Variants in ATF7IP observed in about 807,000 individuals in gnomAD.
ATF7IP encodes activating transcription factor 7-interacting protein 1.
Under a neutral mutation model 106.4 loss-of-function variants are expected in ATF7IP, and 23 were observed. The ratio of observed to expected loss-of-function variants is 0.22; its 90% CI spans 0.16 to 0.31. The LOEUF (loss-of-function observed/expected upper bound fraction) is 0.31. ATF7IP is among the 10% of genes least tolerant of loss of function. The probability of loss-of-function intolerance (pLI) is 1.00; values close to 1 mark genes in which losing one functional copy is unlikely to be tolerated. For synonymous variants in ATF7IP, 542 were observed against 539.0 expected (o/e 1.01, Z -0.08); for missense variants, 1,334 against 1,524.3 (o/e 0.88, Z 2.08).
chr12:14,418,334 A>T (rs1271915550), intron 1 of ATF7IP, among the ~76,000 whole-genome samples: 1 of 152,180 alleles, frequency 6.6e-6, no homozygotes, highest in Non-Finnish European at 1.5e-5. Context: ...AAACTAGTTC[A>T]TCATGTTTTG....
intron 8 of ATF7IP, 138 bp downstream of exon 8, chr12:14,457,433 T>C (rs1287038964): frequency 3.1e-6 from 2 of 652,496 alleles, no homozygotes; most frequent in Non-Finnish European, 5.1e-6. Context: ...TTGTTAAAAA[T>C]TCAGGATCAA....
intron 11 of ATF7IP, 76 bp from the exon 12 acceptor site, chr12:14,478,241 A>G: frequency 7.0e-7 from 1 of 1,438,670 alleles, no homozygotes; most frequent in Non-Finnish European, 9.6e-7. Context: ...CAAAAGTAAA[A>G]TTTGTCCATA....
At chr12:14,476,020 C>G in intron 11 of ATF7IP, 52 bp downstream of exon 11, 1 of 1,299,300 alleles carries the variant, frequency 7.7e-7, no homozygotes, top group Non-Finnish European at 1.1e-6. Context: ...TTTTTTTTGT[C>G]TTAATACGGT....
At chr12:14,434,082 T>A (rs565909192) in intron 2 of ATF7IP, among the ~76,000 whole-genome samples, 1 of 152,334 alleles carries the variant, frequency 6.6e-6, no homozygotes, top group Non-Finnish European at 1.5e-5. Flanking sequence ...AGTAATTTTT[T>A]TAAATTACTT....
intron 5 of ATF7IP, among the ~76,000 whole-genome samples, chr12:14,445,502 T>G (rs1942916772): frequency 6.6e-6 from 1 of 152,160 alleles, no homozygotes; most frequent in Non-Finnish European, 1.5e-5. Context: ...CCCATTTACC[T>G]TTTTAGAAAG....
intron 9 of ATF7IP, among the ~76,000 whole-genome samples, chr12:14,462,371 C>A (rs1943675974): frequency 6.6e-6 from 1 of 151,810 alleles, no homozygotes; most frequent in Admixed American, 6.6e-5. Context: ...TCTGTAACTT[C>A]TTTTTCTTTT....
Position 14,478,264 on chromosome 12 carries a change from G to A in ATF7IP, c.2942-53G>A, listed in dbSNP as rs148877350. On this transcript the variant is annotated intron_variant, in intron 11 of 14. Coordinates refer to ENST00000261168, the MANE Select transcript of ATF7IP (RefSeq NM_018179.5). The stretch of plus-strand genomic sequence containing the variant: ...AAATTTGTCCATAGAGGAAAGACTT[G>A]TATTTCCTGATTTTTTTCTTGTCAG... 27 of 1,577,932 alleles carry A rather than the reference G, an allele frequency of 1.7e-5. No individual in the cohort carries two copies. The African/African-American group carries it at 2.4e-4, about 14-fold the overall frequency.
chr12:14,450,229 T>A (rs1331484930), intron 6 of ATF7IP, among the ~76,000 whole-genome samples: 3 of 152,230 alleles, frequency 2.0e-5, no homozygotes, highest in Non-Finnish European at 4.4e-5. Flanking sequence ...AGAGTAGGCA[T>A]GCTTGCTTAA....
intron 1 of ATF7IP, among the ~76,000 whole-genome samples, chr12:14,406,318 C>T (rs528904381): frequency 2.7e-4 from 41 of 151,888 alleles, no homozygotes; most frequent in African/African-American, 7.2e-4. Context: ...AGGCTGGTGT[C>T]GAACTCCCAG....
At chr12:14,441,603 C>T (rs2136643092) in intron 5 of ATF7IP, among the ~76,000 whole-genome samples, 1 of 151,128 alleles carries the variant, frequency 6.6e-6, no homozygotes, top group Non-Finnish European at 1.5e-5. Flanking sequence ...CATTCTCCTG[C>T]CTCAGCCTCC....
In ATF7IP at chr12:14,500,109, A is replaced by G. The variant is rs2136890625; in HGVS notation, c.*2036A>G. 6.6e-6 allele frequency: 1 copy of G among 152,352 alleles called. No individual in the cohort carries two copies. Among genetic ancestry groups the G allele is most frequent in the African/African-American group, 2.4e-5 (1 of 41,576 alleles). The allele number at this position is 152,352 out of a possible 1,614,324, so 9.4% of individuals were successfully genotyped here. ...TAACTTCGAAGTCCTCTTCCTTTAC[A>G]ATATTTGAATTCATATTTGTACCTT... On this transcript the variant is annotated 3_prime_UTR_variant, in exon 15 of 15. Transcript: ENST00000261168.
chr12:14,438,237 G>A lies in ATF7IP; in HGVS notation c.1899G>A (p.Lys633=). ...GAGTGGAAAAGATTGAATGTAACAA[G>A]AGGCATAAAACAGTTCTCACTGAAC... The part of the protein sequence containing the change: ...KTRVEKIECN[K]RHKTVLTELQ... The change falls in exon 5 of 15, where the codon AAG becomes AAA. Residue 633 remains lysine (K), a synonymous_variant. Coordinates refer to ENST00000261168, the MANE Select transcript of ATF7IP (RefSeq NM_018179.5). 6.2e-7 allele frequency: 1 copy of A among 1,613,018 alleles called. No homozygotes were observed. Among genetic ancestry groups the A allele is most frequent in the South Asian group, 1.1e-5 (1 of 91,026 alleles).
At chr12:14,376,346 A>C (rs984911334) in intron 1 of ATF7IP, among the ~76,000 whole-genome samples, 3 of 152,230 alleles carry the variant, frequency 2.0e-5, no homozygotes, top group Admixed American at 6.5e-5. Context: ...CCAGCCTCTT[A>C]AGGCACAGAT....
chr12:14,494,590 T>TTA (rs1944950527), intron 13 of ATF7IP, among the ~76,000 whole-genome samples: 1 of 148,274 alleles, frequency 6.7e-6, no homozygotes, highest in African/African-American at 2.5e-5. Context: ...TAGTGAATGT[T>TTA]TATATATATA....
At chr12:14,455,743 C>G (rs1480277664) in intron 6 of ATF7IP, among the ~76,000 whole-genome samples, 1 of 151,974 alleles carries the variant, frequency 6.6e-6, no homozygotes, top group African/African-American at 2.4e-5. Context: ...TATTACCACG[C>G]CTGGCTAATT....
intron 1 of ATF7IP, among the ~76,000 whole-genome samples, chr12:14,403,806 G>T (rs1483024803): frequency 6.6e-6 from 1 of 151,692 alleles, no homozygotes; most frequent in Non-Finnish European, 1.5e-5. Flanking sequence ...TTTAATTCTG[G>T]AGGCTCTAGG....
chr12:14,495,031 C>T (rs1944970128), intron 13 of ATF7IP, among the ~76,000 whole-genome samples: 1 of 151,952 alleles, frequency 6.6e-6, no homozygotes, highest in African/African-American at 2.4e-5. Context: ...AACTTGGAGG[C>T]CAATGTTCCA....
chr12:14,445,367 T>C (rs1457280717), intron 5 of ATF7IP, among the ~76,000 whole-genome samples: 2 of 151,870 alleles, frequency 1.3e-5, no homozygotes, highest in East Asian at 3.9e-4. Context: ...CTTTCCCATA[T>C]ACCTTTCTTT....
chr12:14,468,406 G>T (rs1943914235), intron 10 of ATF7IP, among the ~76,000 whole-genome samples: 1 of 151,418 alleles, frequency 6.6e-6, no homozygotes, highest in Non-Finnish European at 1.5e-5. Flanking sequence ...TTTGGGAGGT[G>T]AAGACAGGAG....
Sources: gnomAD v4.1 joint callset for allele counts (sites outside exome capture counted in the v4.1 genomes callset) on GRCh38, gnomAD v4.1.1 for gene constraint, MANE v1.5 for transcripts, NCBI Gene and HGNC (gene_info 2026-07-23, HGNC 2026-07-21) for gene names.